CEP126: variants seen among roughly 807,000 people sequenced by gnomAD.
The protein encoded by CEP126 is centrosomal protein of 126 kDa.
In CEP126, 74 loss-of-function variants were observed where a neutral mutation model predicts 107.8. The observed-to-expected ratio is 0.69, with a 90% confidence interval of 0.57 to 0.83. The LOEUF (loss-of-function observed/expected upper bound fraction) is 0.83, where lower values mean the gene tolerates loss of function less well. Ranked by LOEUF, CEP126 falls within the 40% of genes least tolerant of loss-of-function variation. The pLI is 0.00. For synonymous variants in CEP126, 449 were observed against 446.0 expected (o/e 1.01, Z -0.08); for missense variants, 1,237 against 1,281.9 (o/e 0.96, Z 0.53).
In CEP126 at chr11:101,986,979, C is replaced by G; in HGVS notation, c.3182C>G (p.Thr1061Arg). ...AAAACTCAACAATTCAACATCTGCA[C>G]ACTGTCAGCTGAAGAACAGAAGATC... ...LNKTQQFNIC[T>R]LSAEEQKILE... The change falls in exon 9 of 11, where the codon ACA becomes AGA. Residue 1061 changes from threonine to arginine, a missense_variant. Physicochemically the swap from Thr to Arg is moderately conservative, Grantham distance 71 (BLOSUM62 -1). Around this residue, in one of 3 missense-constraint regions of CEP126, gnomAD observed 99 missense variants for 114.4 expected, o/e 0.87. Coordinates refer to ENST00000263468, the MANE Select transcript of CEP126 (RefSeq NM_020802.4). 1.2e-6 allele frequency: 2 copies of G among 1,613,710 alleles called. No homozygotes were observed. Among genetic ancestry groups the G allele is most frequent in the Non-Finnish European group, 1.7e-6 (2 of 1,179,742 alleles).
chr11:101,974,937 A>C (rs1211955916), intron 6 of CEP126, among the ~76,000 whole-genome samples: 8 of 152,226 alleles, frequency 5.3e-5, no homozygotes, highest in African/African-American at 1.4e-4. Flanking sequence ...GAAGTACAAA[A>C]GTGACTTCAG....
chr11:101,927,372 C>T (rs1940428389), intron 2 of CEP126, among the ~76,000 whole-genome samples: 2 of 152,102 alleles, frequency 1.3e-5, no homozygotes, highest in African/African-American at 4.8e-5. Context: ...GATTCACAGG[C>T]AATTGTAAAA....
Position 101,944,204 on chromosome 11 carries a change from T to A in CEP126, c.249-61T>A, listed in dbSNP as rs1940705598. On this transcript the variant is annotated intron_variant, in intron 2 of 10. Transcript: ENST00000263468. ...ATTGTTATATAATAAATGCGTCATT[T>A]TGAAACTATTTTCTAAACTTACCAC... 25 of 1,406,702 alleles carry A rather than the reference T, an allele frequency of 1.8e-5. No homozygotes were observed. In the South Asian group the frequency reaches 3.4e-4, roughly 19 times the overall value. 87.1% of individuals were successfully genotyped at this position (1,406,702 alleles called of 1,614,324 possible).
At chr11:101,982,537 CTCT>C (rs1941268928) in intron 8 of CEP126, among the ~76,000 whole-genome samples, 1 of 152,014 alleles carries the variant, frequency 6.6e-6, no homozygotes, top group African/African-American at 2.4e-5. Flanking sequence ...TCTCTTTGTA[CTCT>C]TTTTTCTTAG....
chr11:101,963,253 G>C lies in CEP126; in HGVS notation c.2218G>C (p.Asp740His). 1 of 1,613,996 alleles carries C rather than the reference G, an allele frequency of 6.2e-7. No individual in the cohort carries two copies. The highest frequency in any genetic ancestry group is 8.5e-7 in the Non-Finnish European group (1 of 1,180,010). The change falls in exon 6 of 11, where the codon GAT becomes CAT. Residue 740 changes from aspartate (D) to histidine (H), a missense_variant. By Grantham distance (81) the Asp-to-His change is moderately conservative (BLOSUM62 -1). Coordinates refer to ENST00000263468, the MANE Select transcript of CEP126 (RefSeq NM_020802.4). The stretch of plus-strand genomic sequence containing the variant: ...AGAAGAAAGTAAAATCCCTGTACAT[G>C]ATGATTCTAAAACTAAGCAAGGTAA... Reference protein sequence around the residue: ...KKEESKIPVHDDSKTKQGKPQ... With the variant: ...KKEESKIPVHHDSKTKQGKPQ...
intron 4 of CEP126, among the ~76,000 whole-genome samples, chr11:101,952,063 T>C (rs1177890410): frequency 1.3e-5 from 2 of 152,134 alleles, no homozygotes; most frequent in Non-Finnish European, 2.9e-5. Flanking sequence ...TCTCAAAGTG[T>C]ATAAAAGTGG....
At chr11:101,929,564 A>C (rs920345050) in intron 2 of CEP126, among the ~76,000 whole-genome samples, 5 of 152,094 alleles carry the variant, frequency 3.3e-5, no homozygotes, top group African/African-American at 1.2e-4. Flanking sequence ...TTACTGCTGG[A>C]TGGTAGTGAA....
chr11:101,922,452 G>A (rs767721057), intron 1 of CEP126, among the ~76,000 whole-genome samples, 189 bp from the exon 2 acceptor site: 3 of 152,058 alleles, frequency 2.0e-5, no homozygotes, highest in Non-Finnish European at 2.9e-5. Flanking sequence ...GTGAGCCACC[G>A]CACCCAGCCC....
At chr11:101,971,630 T>C (rs978633625) in intron 6 of CEP126, among the ~76,000 whole-genome samples, 1 of 152,234 alleles carries the variant, frequency 6.6e-6, no homozygotes, top group African/African-American at 2.4e-5. Flanking sequence ...GGCTGAGAGC[T>C]CCTCCTGCCT....
At chr11:101,924,707 A>C (rs1465729911) in intron 2 of CEP126, among the ~76,000 whole-genome samples, 1 of 151,488 alleles carries the variant, frequency 6.6e-6, no homozygotes, top group East Asian at 1.9e-4. Context: ...ACCTCAAGTG[A>C]TCCTCCCATC....
At position 101,963,521 on chromosome 11, in the gene CEP126, C is replaced by T; in HGVS notation, c.2486C>T (p.Pro829Leu). The stretch of plus-strand genomic sequence containing the variant: ...TGTCAACCAGTAACTCCTGAAAATC[C>T]TCAAAACATTATTACACATAACTCT... ...SQCQPVTPEN[P>L]QNIITHNSFN... The change falls in exon 6 of 11, where the codon CCT becomes CTT. Residue 829 changes from proline to leucine, a missense_variant. Pro to Leu is a moderately conservative substitution (Grantham distance 98). Transcript: ENST00000263468. 3 of 1,613,966 alleles carry T rather than the reference C, an allele frequency of 1.9e-6. No individual in the cohort carries two copies. The highest frequency in any genetic ancestry group is 2.5e-6 in the Non-Finnish European group (3 of 1,179,936).
In CEP126 at chr11:101,962,567, A is replaced by G. The variant is rs557893884; in HGVS notation, c.1532A>G (p.Asn511Ser). ...GAAGAGATAAAATATTTTAATTGCA[A>G]TAAGGAAGAGTTGCCTTTATTTTCA... The part of the protein sequence containing the change: ...KEEEIKYFNC[N>S]KEELPLFSDS... The change falls in exon 6 of 11, where the codon AAT becomes AGT. Residue 511 changes from asparagine to serine, a missense_variant. This residue lies in a region of CEP126 where 1,134 missense variants were observed against 1,150.5 expected (regional missense o/e 0.99). Coordinates refer to ENST00000263468, the MANE Select transcript of CEP126 (RefSeq NM_020802.4). The G allele has an allele frequency of 3.7e-6, 6 of 1,613,360 alleles. No individual in the cohort carries two copies. Among genetic ancestry groups the G allele is most frequent in the East Asian group, 2.2e-5 (1 of 44,834 alleles).
chr11:101,929,926 T>A (rs1406911458), intron 2 of CEP126, among the ~76,000 whole-genome samples: 2 of 151,512 alleles, frequency 1.3e-5, no homozygotes, highest in African/African-American at 2.4e-5. Flanking sequence ...CTAGCTAAGC[T>A]GATCTTTTCC....
intron 6 of CEP126, among the ~76,000 whole-genome samples, chr11:101,971,753 G>C (rs1941131422): frequency 6.6e-6 from 1 of 152,152 alleles, no homozygotes; most frequent in Non-Finnish European, 1.5e-5. Flanking sequence ...TGACATATAA[G>C]AACAAGTTAA....
intron 2 of CEP126, among the ~76,000 whole-genome samples, chr11:101,934,681 T>G (rs188550220): frequency 6.6e-6 from 1 of 152,198 alleles, no homozygotes; most frequent in Admixed American, 6.5e-5. Context: ...TTTTTCATGT[T>G]GAGATTCATC....
Position 101,998,096 on chromosome 11 carries a change from T to C in CEP126, c.*453T>C, listed in dbSNP as rs1374526173. ...GAAGTATGGCATATTTTGATTTTTTTAATTGTAATAAATATTCTTAAAGTT... is the reference window on the plus strand; with the variant it reads ...GAAGTATGGCATATTTTGATTTTTTCAATTGTAATAAATATTCTTAAAGTT... On this transcript the variant is annotated 3_prime_UTR_variant, in exon 11 of 11. Transcript: ENST00000263468. The C allele has an allele frequency of 6.6e-6, 1 of 151,776 alleles. No individual in the cohort carries two copies. The highest frequency in any genetic ancestry group is 2.5e-5 in the African/African-American group (1 of 40,582). The allele number at this position is 151,776 out of a possible 1,614,324, so 9.4% of individuals were successfully genotyped here. A position where few individuals can be genotyped will look rare whatever the true frequency, so the allele number is the denominator to read the frequency against.
At chr11:101,993,836 G>A (rs1941413287) in intron 10 of CEP126, among the ~76,000 whole-genome samples, 2 of 151,952 alleles carry the variant, frequency 1.3e-5, no homozygotes, top group South Asian at 2.1e-4. Flanking sequence ...TATGCTTCTT[G>A]GTCACATGTG....
chr11:101,951,755 T>C (rs1053827009), intron 4 of CEP126, among the ~76,000 whole-genome samples: 3 of 152,222 alleles, frequency 2.0e-5, no homozygotes, highest in South Asian at 2.1e-4. Context: ...TAAAATTCCC[T>C]TTGAGCCTTC....
At position 101,915,226 on chromosome 11, in the gene CEP126, C is replaced by A; in HGVS notation, c.-59C>A. Reference sequence around the variant, plus strand: ...GGGGCCGAGCAGGAGGAGGAGGAAGCCGGAGCTGCCATGAGGGAGGTTCTG... The same window carrying A: ...GGGGCCGAGCAGGAGGAGGAGGAAGACGGAGCTGCCATGAGGGAGGTTCTG... On this transcript the variant is annotated 5_prime_UTR_variant, in exon 1 of 11. Transcript: ENST00000263468. 6.2e-7 allele frequency: 1 copy of A among 1,601,878 alleles called. No homozygotes were observed.
Sources: allele counts gnomAD v4.1 joint callset (sites outside exome capture counted in the v4.1 genomes callset), GRCh38; gene constraint gnomAD v4.1.1; regional missense constraint gnomAD v4.1.1; transcripts MANE v1.5; gene names NCBI Gene and HGNC (gene_info 2026-07-23, HGNC 2026-07-21).